The following DPH6 variants were observed in gnomAD, a reference collection of about 807,000 sequenced individuals.
The protein encoded by DPH6 is diphthamine biosynthesis 6.
A neutral mutation model predicts 38.2 loss-of-function variants in DPH6; 33 were observed. The observed-to-expected ratio is 0.86, with a 90% CI of 0.65 to 1.15. The LOEUF (loss-of-function observed/expected upper bound fraction) is 1.15. DPH6 is among the 50% of genes most tolerant of loss of function. The pLI, the probability that DPH6 is intolerant of heterozygous loss-of-function variation, is 0.00. For synonymous variants in DPH6, 108 were observed against 103.0 expected (o/e 1.05, Z -0.30); for missense variants, 325 against 320.0 (o/e 1.02, Z -0.12).
intron 3 of DPH6, among the ~76,000 whole-genome samples, chr15:35,312,238 A>C (rs545294259): frequency 1.3e-5 from 2 of 152,360 alleles, no homozygotes; most frequent in African/African-American, 4.8e-5. Flanking sequence ...GAAGAATAAG[A>C]AATTATTTGC....
intron 2 of DPH6, among the ~76,000 whole-genome samples, chr15:35,540,079 T>G (rs112148490): frequency 1.3e-5 from 2 of 152,234 alleles, no homozygotes; most frequent in African/African-American, 4.8e-5. Context: ...TTGGGCTTCT[T>G]GGCAAGAAAC....
intron 3 of DPH6, among the ~76,000 whole-genome samples, chr15:35,228,236 C>T (rs1372175090): frequency 6.6e-6 from 1 of 152,110 alleles, no homozygotes; most frequent in Non-Finnish European, 1.5e-5. Context: ...TGTCCCCCAA[C>T]TTTTAAACTT....
At chr15:35,395,613 C>T (rs898838517) in intron 6 of DPH6, among the ~76,000 whole-genome samples, 1 of 152,128 alleles carries the variant, frequency 6.6e-6, no homozygotes, top group African/African-American at 2.4e-5. Context: ...TTTGTTGCCA[C>T]GACCCATGTA....
intron 3 of DPH6, among the ~76,000 whole-genome samples, chr15:35,497,682 C>T (rs564583248): frequency 6.7e-4 from 102 of 151,962 alleles, no homozygotes; most frequent in Non-Finnish European, 1.3e-3. Context: ...GTCAAACAAC[C>T]CTCAGGAAAA....
At chr15:35,320,968 A>C (rs1348011105) in intron 3 of DPH6, among the ~76,000 whole-genome samples, 2 of 152,184 alleles carry the variant, frequency 1.3e-5, no homozygotes, top group African/African-American at 4.8e-5. Flanking sequence ...TCAGAAATGG[A>C]AAAGTCTGAA....
At chr15:35,312,010 G>GAAAAAAAAAAAAAA (rs10573455) in intron 3 of DPH6, among the ~76,000 whole-genome samples, 1 of 102,142 alleles carries the variant, frequency 9.8e-6, no homozygotes, top group Non-Finnish European at 1.9e-5. Context: ...TTAAGAAAAT[G>GAAAAAAAAAAAAAA]AAAAAAAAAA....
chr15:35,195,498 T>G, the DPH6 span, among the ~76,000 whole-genome samples: 2 of 152,150 alleles, frequency 1.3e-5, no homozygotes, highest in Non-Finnish European at 2.9e-5. Context: ...CAGGTCAGAT[T>G]CAAGCCTGGG....
rs1309083557 is a variant in DPH6, at chr15:35,239,685, C to A, written n.201-19103G>T. Among the ~76,000 whole-genome samples, 57 of 141,832 alleles carry A rather than the reference C, an allele frequency of 4.0e-4. 4 individuals are homozygous for A. The highest frequency in any genetic ancestry group is 7.5e-3 in the Middle Eastern group (2 of 268). The allele number at this position is 141,832 out of a possible 152,430, so 93.0% of individuals were successfully genotyped here. ...GGCAGGGGCAAGTACCCCTCAACCC[C>A]TTCTCCTTCACCCTTAGTGGCAAGT... On this transcript the variant is annotated intron_variant and non_coding_transcript_variant, in intron 3 of 3. Coordinates refer to the DPH6 transcript ENST00000560386.
At position 35,243,098 on chromosome 15, in the gene DPH6, G is replaced by A. The variant is rs1159581175; in HGVS notation, n.201-22516C>T. 4.2e-5 allele frequency among the ~76,000 whole-genome samples: 6 copies of A among 142,112 alleles called. 1 individual carries two copies. The highest frequency in any genetic ancestry group is 1.5e-4 in the African/African-American group (6 of 39,076). The allele number at this position is 142,112 out of a possible 152,430, so 93.2% of individuals were successfully genotyped here. A position where few individuals can be genotyped will look rare whatever the true frequency, so the allele number is the denominator to read the frequency against. The stretch of plus-strand genomic sequence containing the variant: ...CCCAATTCTTAGTCCTTTTATACCT[G>A]TTTTTCTCCTTCTCTTATTCCATTT... On this transcript the variant is annotated intron_variant and non_coding_transcript_variant, in intron 3 of 3. Transcript: ENST00000560386.
chr15:35,171,011 C>T, the DPH6 span, among the ~76,000 whole-genome samples: 1 of 152,156 alleles, frequency 6.6e-6, no homozygotes, highest in African/African-American at 2.4e-5. Context: ...GTGAATTTTA[C>T]ATTCTTCCCC....
chr15:35,440,698 G>A (rs1292770271), intron 5 of DPH6, among the ~76,000 whole-genome samples: 1 of 152,220 alleles, frequency 6.6e-6, no homozygotes. Context: ...GGGCATGCCT[G>A]CAACAGACTG....
At chr15:35,473,454 A>G (rs1022014848) in intron 3 of DPH6, among the ~76,000 whole-genome samples, 1 of 139,474 alleles carries the variant, frequency 7.2e-6, no homozygotes, top group African/African-American at 2.9e-5. Flanking sequence ...AAACCTATCC[A>G]GCTTCATTCT....
intron 5 of DPH6, among the ~76,000 whole-genome samples, chr15:35,414,247 G>A (rs900603794): frequency 2.6e-5 from 4 of 151,376 alleles, no homozygotes; most frequent in Admixed American, 1.3e-4. Context: ...GTTTTTATAG[G>A]TCTCATAATG....
At chr15:35,398,461 C>G (rs1405259890) in intron 6 of DPH6, among the ~76,000 whole-genome samples, 1 of 152,154 alleles carries the variant, frequency 6.6e-6, no homozygotes, top group Non-Finnish European at 1.5e-5. Flanking sequence ...CATGAAAACC[C>G]GAACGGACAG....
At chr15:35,455,235 C>A (rs2053981757) in intron 3 of DPH6, among the ~76,000 whole-genome samples, 2 of 151,786 alleles carry the variant, frequency 1.3e-5, no homozygotes, top group Non-Finnish European at 2.9e-5. Context: ...TAAGGGAGCA[C>A]AATAATTTTT....
chr15:35,146,856 C>T, the DPH6 span, among the ~76,000 whole-genome samples: 1 of 152,142 alleles, frequency 6.6e-6, no homozygotes, highest in African/African-American at 2.4e-5. Flanking sequence ...TGTCACCAAG[C>T]AGCTAATCAG....
chr15:35,358,386 C>A (rs935119126), intron 3 of DPH6, among the ~76,000 whole-genome samples: 1 of 152,088 alleles, frequency 6.6e-6, no homozygotes, highest in African/African-American at 2.4e-5. Flanking sequence ...TCAGGTAAAT[C>A]AGGGATTTCT....
At chr15:35,355,847 G>T (rs1389281036) in intron 3 of DPH6, among the ~76,000 whole-genome samples, 5 of 152,308 alleles carry the variant, frequency 3.3e-5, no homozygotes, top group African/African-American at 1.2e-4. Context: ...CTAGATTGGG[G>T]AAGTTCTCCT....
At chr15:35,296,507 A>G (rs146028389) in intron 3 of DPH6, among the ~76,000 whole-genome samples, 1 of 152,216 alleles carries the variant, frequency 6.6e-6, no homozygotes, top group East Asian at 1.9e-4. Context: ...TCTAGGCTCT[A>G]TCACTTTAAT....
Sources: allele counts gnomAD v4.1 joint callset (sites outside exome capture counted in the v4.1 genomes callset), GRCh38; gene constraint gnomAD v4.1.1; transcripts MANE v1.5; gene names NCBI Gene and HGNC (gene_info 2026-07-23, HGNC 2026-07-21).